Variants in GPR158 observed in about 807,000 individuals in gnomAD.
GPR158 encodes metabotropic glycine receptor.
GPR158 carries 30 observed loss-of-function variants against 78.2 expected under a neutral mutation model. That is an observed-to-expected ratio of 0.38 (90% CI 0.29 to 0.52). The LOEUF is 0.52. GPR158 is among the 20% of genes least tolerant of loss of function. GPR158 has a pLI of 0.83. For missense variants in GPR158, 1,463 were observed against 1,523.5 expected (o/e 0.96, Z 0.66); for synonymous variants, 581 against 591.1 (o/e 0.98, Z 0.25).
chr10:25,277,782 A>G (rs1259298378), intron 2 of GPR158, among the ~76,000 whole-genome samples: 2 of 152,156 alleles, frequency 1.3e-5, no homozygotes, highest in Non-Finnish European at 2.9e-5. Context: ...CTTGGCTGGC[A>G]AACTGAACAA....
intron 2 of GPR158, among the ~76,000 whole-genome samples, chr10:25,283,543 G>A (rs1188088421): frequency 2.6e-5 from 4 of 151,880 alleles, no homozygotes; most frequent in Non-Finnish European, 1.5e-5. Flanking sequence ...ATGGGTTAAT[G>A]TTGTTAATCT....
At chr10:25,252,651 TGAA>T (rs1481614980) in intron 2 of GPR158, among the ~76,000 whole-genome samples, 1 of 152,180 alleles carries the variant, frequency 6.6e-6, no homozygotes, top group Non-Finnish European at 1.5e-5. Flanking sequence ...GGGACCCACT[TGAA>T]GAGGCAGTCT....
At chr10:25,306,148 A>G (rs991886324) in intron 2 of GPR158, among the ~76,000 whole-genome samples, 1 of 151,962 alleles carries the variant, frequency 6.6e-6, no homozygotes, top group Admixed American at 6.6e-5. Context: ...TTATCTCTCT[A>G]CCATTTCCCT....
At chr10:25,199,740 A>G (rs1852895739) in intron 1 of GPR158, among the ~76,000 whole-genome samples, 1 of 152,054 alleles carries the variant, frequency 6.6e-6, no homozygotes, top group Admixed American at 6.6e-5. Flanking sequence ...ATGGCCTTCT[A>G]CCATGATTGT....
At chr10:25,586,300 G>A (rs1837264622) in intron 7 of GPR158, among the ~76,000 whole-genome samples, 1 of 151,836 alleles carries the variant, frequency 6.6e-6, no homozygotes, top group African/African-American at 2.4e-5. Context: ...CTAATGTGAA[G>A]GCTGTGCAGT....
intron 2 of GPR158, among the ~76,000 whole-genome samples, chr10:25,380,097 T>C (rs1012768339): frequency 1.3e-5 from 2 of 152,130 alleles, no homozygotes; most frequent in African/African-American, 4.8e-5. Context: ...TTCCCTCATT[T>C]CACTAATATT....
intron 5 of GPR158, among the ~76,000 whole-genome samples, chr10:25,476,148 C>T (rs868646868): frequency 2.0e-5 from 3 of 152,044 alleles, no homozygotes; most frequent in African/African-American, 7.3e-5. Context: ...TCAAAAGAGA[C>T]GCATGATTTG....
intron 2 of GPR158, among the ~76,000 whole-genome samples, chr10:25,373,745 A>G (rs1266287066): frequency 6.6e-6 from 1 of 151,798 alleles, no homozygotes; most frequent in Non-Finnish European, 1.5e-5. Flanking sequence ...CTTTAGTTAT[A>G]TTTTTGTGAC....
At chr10:25,206,656 T>A (rs1374544303) in intron 1 of GPR158, among the ~76,000 whole-genome samples, 1 of 152,158 alleles carries the variant, frequency 6.6e-6, no homozygotes, top group African/African-American at 2.4e-5. Context: ...TCTTACACTG[T>A]GTTTTGACTT....
intron 5 of GPR158, among the ~76,000 whole-genome samples, chr10:25,513,511 A>G (rs1484204929): frequency 3.3e-5 from 5 of 149,882 alleles, no homozygotes; most frequent in East Asian, 3.9e-4. Context: ...TTTTGGTTCA[A>G]TTTTATTTAG....
At chr10:25,576,869 T>TTGA (rs1407249659) in intron 7 of GPR158, among the ~76,000 whole-genome samples, 4 of 151,930 alleles carry the variant, frequency 2.6e-5, no homozygotes, top group African/African-American at 9.7e-5. Flanking sequence ...AGTTAAATTT[T>TTGA]TGATGGTGTT....
At chr10:25,204,641 T>G (rs537731984) in intron 1 of GPR158, among the ~76,000 whole-genome samples, 1 of 152,322 alleles carries the variant, frequency 6.6e-6, no homozygotes, top group South Asian at 2.1e-4. Context: ...GATGTCCTGT[T>G]GGATTCGGTT....
chr10:25,390,840 G>A (rs1039929924), intron 2 of GPR158, among the ~76,000 whole-genome samples: 1 of 152,222 alleles, frequency 6.6e-6, no homozygotes, highest in Non-Finnish European at 1.5e-5. Context: ...AAAAATGTCT[G>A]TAGGGCATGT....
In GPR158 at chr10:25,426,015, G is replaced by C. The variant is rs1180044419; in HGVS notation, c.1335+13542G>C. 3.9e-5 allele frequency among the ~76,000 whole-genome samples: 6 copies of C among 152,056 alleles called. No homozygotes were observed. The South Asian group carries it at 1.2e-3, about 31-fold the overall frequency. ...TTCTTTATGTTTTCTCTCTTTATCT[G>C]TGAAGGTATGGGGGTTAAACAAACT... On this transcript the variant is annotated intron_variant, in intron 4 of 10. Transcript: ENST00000376351.
intron 2 of GPR158, among the ~76,000 whole-genome samples, chr10:25,261,217 A>G (rs1003563996): frequency 4.6e-5 from 7 of 152,156 alleles, no homozygotes; most frequent in African/African-American, 1.7e-4. Flanking sequence ...GTTAAGAACA[A>G]CTGCTTAAAT....
chr10:25,433,926 G>A (rs555930783), intron 4 of GPR158, among the ~76,000 whole-genome samples: 91 of 152,034 alleles, frequency 6.0e-4, no homozygotes, highest in African/African-American at 2.1e-3. Flanking sequence ...TTGGGAGGCC[G>A]AGGTGGGTGG....
chr10:25,241,482 G>A (rs556433670), intron 2 of GPR158, among the ~76,000 whole-genome samples: 24 of 150,754 alleles, frequency 1.6e-4, no homozygotes, highest in African/African-American at 5.9e-4. Flanking sequence ...GCACAGTGGT[G>A]TGATCTCGGC....
At chr10:25,193,543 G>A (rs1852804236) in intron 1 of GPR158, among the ~76,000 whole-genome samples, 5 of 152,178 alleles carry the variant, frequency 3.3e-5, no homozygotes, top group Admixed American at 3.3e-4. Flanking sequence ...GAAGATGAGA[G>A]GAAGGCGTGC....
At chr10:25,568,308 T>A (rs1836959240) in intron 6 of GPR158, among the ~76,000 whole-genome samples, 1 of 152,156 alleles carries the variant, frequency 6.6e-6, no homozygotes. Context: ...GTAGTGATAA[T>A]ATAACATGGC....
Sources: allele counts gnomAD v4.1 joint callset (sites outside exome capture counted in the v4.1 genomes callset), GRCh38; gene constraint gnomAD v4.1.1; transcripts MANE v1.5; gene names NCBI Gene and HGNC (gene_info 2026-07-23, HGNC 2026-07-21).